FKBP9: variants seen among roughly 807,000 people sequenced by gnomAD.
The protein encoded by FKBP9 is peptidyl-prolyl cis-trans isomerase FKBP9.
Under a neutral mutation model 55.6 loss-of-function variants are expected in FKBP9, and 27 were observed. That is an observed-to-expected ratio of 0.49 (90% confidence interval 0.36 to 0.67). The LOEUF is 0.67. Ranked by LOEUF, FKBP9 falls within the 30% of genes least tolerant of loss-of-function variation. The pLI, the probability that FKBP9 is intolerant of heterozygous loss-of-function variation, is 0.00. For missense variants in FKBP9, 539 were observed against 742.8 expected (o/e 0.73, Z 3.19); for synonymous variants, 267 against 296.5 (o/e 0.90, Z 1.02).
chr7:32,975,979 C>T (rs772099266), intron 3 of FKBP9, among the ~76,000 whole-genome samples: 19 of 152,110 alleles, frequency 1.2e-4, no homozygotes, highest in Non-Finnish European at 2.4e-4. Context: ...GGCTTATGCA[C>T]GTTTTGGTTC....
At chr7:32,993,567 G>A (rs1784726078) in intron 6 of FKBP9, among the ~76,000 whole-genome samples, 1 of 152,210 alleles carries the variant, frequency 6.6e-6, no homozygotes, top group Non-Finnish European at 1.5e-5. Flanking sequence ...GCTCACGCCT[G>A]TAATCCCAGC....
intron 8 of FKBP9, among the ~76,000 whole-genome samples, chr7:33,001,616 A>G (rs1165973496): frequency 6.6e-6 from 1 of 151,766 alleles, no homozygotes; most frequent in African/African-American, 2.4e-5. Flanking sequence ...CATATTATAT[A>G]TAACATATAA....
At chr7:32,960,523 C>G (rs1385976043) in intron 1 of FKBP9, among the ~76,000 whole-genome samples, 1 of 152,302 alleles carries the variant, frequency 6.6e-6, no homozygotes, top group Middle Eastern at 3.4e-3. Flanking sequence ...GCGTATTGAC[C>G]ATTTGTGTAT....
At position 32,957,708 on chromosome 7, in the gene FKBP9, C is replaced by G; in HGVS notation, c.135C>G (p.Asp45Glu). 6.5e-7 allele frequency: 1 copy of G among 1,543,080 alleles called. No homozygotes were observed. The highest frequency in any genetic ancestry group is 8.7e-7 in the Non-Finnish European group (1 of 1,153,550). ...AGATCGAGCGGCGCTTCGTGCCCGA[C>G]GAGTGCCCGCGCACCGTGCGCAGCG... The part of the protein sequence containing the change: ...ELQIERRFVP[D>E]ECPRTVRSGD... The change falls in exon 1 of 10, where the codon GAC becomes GAG. Residue 45 changes from aspartate to glutamate, a missense_variant. Around this residue, in one of 4 missense-constraint regions of FKBP9, gnomAD observed 236 missense variants for 271.5 expected, o/e 0.87. Coordinates refer to ENST00000242209, the MANE Select transcript of FKBP9 (RefSeq NM_007270.5).
intron 4 of FKBP9, chr7:32,979,485 G>A: frequency 4.5e-6 from 7 of 1,545,624 alleles, no homozygotes; most frequent in Non-Finnish European, 6.1e-6. Flanking sequence ...AGGAGATGCA[G>A]GGTGGGCTTT....
chr7:32,995,223 A>G (rs989672132), intron 6 of FKBP9: 1 of 152,224 alleles, frequency 6.6e-6, no homozygotes, highest in African/African-American at 2.4e-5. Context: ...AGCCTCCCAG[A>G]GTTGAGATTA....
At chr7:32,988,341 C>T (rs1289728078) in intron 5 of FKBP9, among the ~76,000 whole-genome samples, 166 bp from the exon 6 acceptor site, 2 of 152,178 alleles carry the variant, frequency 1.3e-5, no homozygotes, top group Non-Finnish European at 2.9e-5. Context: ...CTTATTTACC[C>T]TTCCAGGGGA....
chr7:32,963,692 C>T (rs1784073750), intron 1 of FKBP9: 2 of 1,395,590 alleles, frequency 1.4e-6, no homozygotes, highest in Non-Finnish European at 1.9e-6. Context: ...GGTCCAGAAT[C>T]ATGGACTGAG....
chr7:33,003,352 C>CTCT (rs1437182461), intron 9 of FKBP9, among the ~76,000 whole-genome samples: 1 of 152,222 alleles, frequency 6.6e-6, no homozygotes, highest in African/African-American at 2.4e-5. Flanking sequence ...AGCACATCCT[C>CTCT]CAGCCTTTTC....
At position 33,006,823 on chromosome 7, in the gene FKBP9, T is replaced by C. The variant is rs1480191448; in HGVS notation, c.*1472T>C. Reference sequence around the variant, plus strand: ...ACTTTATTTTACTAATTTAAACTATTTTGTACTGATGTAGCCCTGAGGTAG... The same window carrying C: ...ACTTTATTTTACTAATTTAAACTATCTTGTACTGATGTAGCCCTGAGGTAG... On this transcript the variant is annotated 3_prime_UTR_variant, in exon 10 of 10. Coordinates refer to ENST00000242209, the MANE Select transcript of FKBP9 (RefSeq NM_007270.5). 1 of 196,664 alleles carries C rather than the reference T, an allele frequency of 5.1e-6. No individual in the cohort carries two copies. Among genetic ancestry groups the C allele is most frequent in the Non-Finnish European group, 1.1e-5 (1 of 94,786 alleles). 12.2% of individuals were successfully genotyped at this position (196,664 alleles called of 1,614,324 possible). A position where few individuals can be genotyped will look rare whatever the true frequency, so the allele number is the denominator to read the frequency against.
rs776747559 is a variant in FKBP9, at chr7:32,980,451, A to C, written c.791A>C (p.Asn264Thr). 10 of 1,613,776 alleles carry C rather than the reference A, an allele frequency of 6.2e-6. No homozygotes were observed. In the Admixed American group the frequency reaches 1.3e-4, roughly 22 times the overall value. Residue 264 changes from asparagine to threonine, a missense_variant, in exon 5 of 10, where the codon AAC becomes ACC. Physicochemically the swap from Asn to Thr is moderately conservative, Grantham distance 65. Around this residue, in one of 4 missense-constraint regions of FKBP9, gnomAD observed 172 missense variants for 205.3 expected, o/e 0.84. Transcript: ENST00000242209. ...CCCAAGGACAGCATTTCCATTGAGAACAAGGTAGTACCTGAAAACTGTGAG... is the reference window on the plus strand; with the variant it reads ...CCCAAGGACAGCATTTCCATTGAGACCAAGGTAGTACCTGAAAACTGTGAG... ...HNPKDSISIE[N>T]KVVPENCERI...
intron 9 of FKBP9, among the ~76,000 whole-genome samples, chr7:33,003,254 C>T (rs972895810): frequency 4.6e-5 from 7 of 152,158 alleles, no homozygotes; most frequent in African/African-American, 1.7e-4. Flanking sequence ...GACCACACTC[C>T]TCTTTGTGAA....
At chr7:32,979,722 G>A in intron 4 of FKBP9, 1 of 729,244 alleles carries the variant, frequency 1.4e-6, no homozygotes, top group South Asian at 1.6e-5. Context: ...TCATTTTGCA[G>A]ATATTCAAAA....
At chr7:33,000,548 C>T (rs1403540946) in intron 8 of FKBP9, among the ~76,000 whole-genome samples, 9 of 151,216 alleles carry the variant, frequency 6.0e-5, no homozygotes, top group African/African-American at 1.9e-4. Context: ...GGGAGCTGTC[C>T]GGGAGGTTTC....
rs1784914306 is a variant in FKBP9, at chr7:33,000,740, CCAT to C, written c.1372+484_1372+486del. Among the ~76,000 whole-genome samples, 5 of 151,948 alleles carry C rather than the reference CCAT, an allele frequency of 3.3e-5. 1 individual carries two copies. The South Asian group carries it at 1.0e-3, about 32-fold the overall frequency. ...ATCCTCACAGTGGTTATGTTTTACTCCATCATTTCAGCCACAATGTGTCCTCCA... is the reference window on the plus strand; with the variant it reads ...ATCCTCACAGTGGTTATGTTTTACTCCATTTCAGCCACAATGTGTCCTCCA... On this transcript the variant is annotated intron_variant, in intron 8 of 9. Transcript: ENST00000242209.
Position 33,005,741 on chromosome 7 carries a change from A to AT in FKBP9, c.*399dup, listed in dbSNP as rs1236266511. The AT allele has an allele frequency of 6.4e-5, 15 of 233,526 alleles. No homozygotes were observed. Among genetic ancestry groups the AT allele is most frequent in the East Asian group, 3.0e-4 (5 of 16,462 alleles). The allele number at this position is 233,526 out of a possible 1,614,324, so 14.5% of individuals were successfully genotyped here. ...AGGGTATCTATATAAAGAGGGTTAA[A>AT]TTTTTTTTTAACTTGCTGGTTAAAA... On this transcript the variant is annotated 3_prime_UTR_variant, in exon 10 of 10. Transcript: ENST00000242209.
At chr7:32,960,809 T>C (rs1180713416) in intron 1 of FKBP9, among the ~76,000 whole-genome samples, 1 of 152,234 alleles carries the variant, frequency 6.6e-6, no homozygotes, top group Non-Finnish European at 1.5e-5. Context: ...CATGGTGTGA[T>C]AAGTACAGTA....
Position 32,957,442 on chromosome 7 carries a change from G to A in FKBP9, c.-132G>A, listed in dbSNP as rs574685552. The A allele has an allele frequency of 4.6e-4, 289 of 623,280 alleles. 2 individuals carry two copies. In the East Asian group the frequency reaches 1.0e-2, roughly 22 times the overall value. The allele number at this position is 623,280 out of a possible 1,614,324, so 38.6% of individuals were successfully genotyped here. A position where few individuals can be genotyped will look rare whatever the true frequency, so the allele number is the denominator to read the frequency against. ...GGCCGGGAGGGCGGGCGGCCGGGGA[G>A]ACGGGGTGGCGGCTGCAGCCCGGGT... On this transcript the variant is annotated 5_prime_UTR_variant, in exon 1 of 10. Coordinates refer to ENST00000242209, the MANE Select transcript of FKBP9 (RefSeq NM_007270.5).
At chr7:32,979,565 A>C (rs1488973219) in intron 4 of FKBP9, 4 of 1,550,324 alleles carry the variant, frequency 2.6e-6, no homozygotes, top group South Asian at 1.2e-5. Flanking sequence ...ACTCCTTTGC[A>C]TGATATAACA....
Sources: allele counts gnomAD v4.1 joint callset (sites outside exome capture counted in the v4.1 genomes callset), GRCh38; gene constraint gnomAD v4.1.1; regional missense constraint gnomAD v4.1.1; transcripts MANE v1.5; gene names NCBI Gene and HGNC (gene_info 2026-07-23, HGNC 2026-07-21).